Variants in MCC observed in about 807,000 individuals in gnomAD.
MCC encodes colorectal mutant cancer protein.
In MCC, 90 loss-of-function variants were observed where a neutral mutation model predicts 116.2. The ratio of observed to expected loss-of-function variants is 0.77; its 90% CI spans 0.65 to 0.92. The LOEUF (loss-of-function observed/expected upper bound fraction) is 0.92. Among genes scored for constraint, MCC ranks in the 40% least tolerant of loss-of-function variants. MCC has a pLI of 0.00. For synonymous variants in MCC, 578 were observed against 510.5 expected, an observed-to-expected ratio of 1.13 and a Z score of -1.78; for missense variants, 1,516 against 1,312.2, an observed-to-expected ratio of 1.16 and a Z score of -2.40.
intron 3 of MCC, among the ~76,000 whole-genome samples, chr5:113,213,601 G>T (rs1378509571): frequency 1.3e-5 from 2 of 152,156 alleles, no homozygotes; most frequent in Admixed American, 6.5e-5. Context: ...CTGACAAGCG[G>T]CTTTGACAAC....
intron 6 of MCC, among the ~76,000 whole-genome samples, chr5:113,108,333 A>T (rs1224383566): frequency 0.31 from 607 of 1,930 alleles, 25 homozygotes; most frequent in Admixed American, 0.37. Context: ...CTCTATCTTA[A>T]AAAAAAAAAA....
intron 1 of MCC, among the ~76,000 whole-genome samples, chr5:113,405,667 C>T (rs1172683210): frequency 1.3e-5 from 2 of 151,796 alleles, no homozygotes; most frequent in African/African-American, 2.4e-5. Context: ...ATTAGCCAGG[C>T]GTGGTGGCAT....
rs1308555840 is a variant in MCC at position 113,143,243 on chromosome 5, C to A, written c.859G>T (p.Asp287Tyr). Residue 287 changes from aspartate to tyrosine, a missense_variant, in exon 5 of 19, where the codon GAC becomes TAC. Physicochemically the swap from Asp to Tyr is radical, Grantham distance 160. Coordinates refer to ENST00000408903, the MANE Select transcript of MCC (RefSeq NM_001085377.2). ...SVIAELNKKI[D>Y]RLQGTTIREE... ...CTGATGGTGGTGCCTTGCAGACGGTCTATCTTCTTGTTGAGCTCCGCAATG... is the reference window on the plus strand; with the variant it reads ...CTGATGGTGGTGCCTTGCAGACGGTATATCTTCTTGTTGAGCTCCGCAATG... The A allele has an allele frequency of 6.2e-7, 1 of 1,609,702 alleles. No homozygotes were observed. Among genetic ancestry groups the A allele is most frequent in the Non-Finnish European group, 8.5e-7 (1 of 1,178,614 alleles).
chr5:113,418,058 T>G (rs920359084), intron 1 of MCC, among the ~76,000 whole-genome samples: 13 of 147,284 alleles, frequency 8.8e-5, no homozygotes, highest in African/African-American at 3.4e-4. Context: ...TGCAGTCATT[T>G]CCTCCCTCAT....
chr5:113,238,130 G>T (rs1034102829), intron 3 of MCC, among the ~76,000 whole-genome samples: 2 of 152,166 alleles, frequency 1.3e-5, no homozygotes, highest in African/African-American at 4.8e-5. Context: ...ACAGCAAAAT[G>T]CATGCAACCA....
intron 3 of MCC, among the ~76,000 whole-genome samples, chr5:113,194,095 A>G (rs923370490): frequency 1.2e-4 from 19 of 152,114 alleles, no homozygotes; most frequent in Non-Finnish European, 1.8e-4. Context: ...GAGGACTCCT[A>G]TAGATCTAAG....
At chr5:113,138,304 C>T (rs1453533014) in intron 5 of MCC, among the ~76,000 whole-genome samples, 1 of 152,224 alleles carries the variant, frequency 6.6e-6, no homozygotes, top group Non-Finnish European at 1.5e-5. Flanking sequence ...AGCCACCACG[C>T]CTGGCCCACG....
chr5:113,481,465 G>A (rs191536861), intron 1 of MCC, among the ~76,000 whole-genome samples: 106 of 152,128 alleles, frequency 7.0e-4, no homozygotes, highest in African/African-American at 2.2e-3. Flanking sequence ...TTGGCCAGGC[G>A]CGGTGGCTCA....
intron 1 of MCC, 81 bp downstream of exon 1, chr5:113,488,164 G>A (rs1017633536): frequency 6.6e-6 from 9 of 1,357,832 alleles, no homozygotes; most frequent in Admixed American, 2.9e-5. Flanking sequence ...GCAAGTTGGG[G>A]CGAGGGGGCA....
intron 6 of MCC, among the ~76,000 whole-genome samples, chr5:113,106,383 C>A (rs994888467): frequency 4.5e-4 from 67 of 150,012 alleles, no homozygotes; most frequent in African/African-American, 1.5e-3. Flanking sequence ...ATTCACTATG[C>A]CCCATTCACA....
At chr5:113,068,015 G>A (rs185978487) in intron 13 of MCC, 65 bp downstream of exon 13, 4 of 1,398,076 alleles carry the variant, frequency 2.9e-6, no homozygotes, top group Non-Finnish European at 4.1e-6. Flanking sequence ...CAGTTGCTGA[G>A]ACAGGGGCAG....
chr5:113,323,973 T>C (rs112210116), intron 3 of MCC, among the ~76,000 whole-genome samples: 3,150 of 152,338 alleles, frequency 0.021, 35 homozygotes, highest in Middle Eastern at 0.027. Flanking sequence ...TTCAGTTATT[T>C]AGAGGCTCAG....
intron 3 of MCC, among the ~76,000 whole-genome samples, chr5:113,195,044 A>G (rs1355831609): frequency 1.3e-5 from 2 of 152,190 alleles, no homozygotes; most frequent in Non-Finnish European, 2.9e-5. Flanking sequence ...TGCCCATTTC[A>G]GATAGTGATT....
chr5:113,207,636 C>T (rs1205542903), intron 3 of MCC, among the ~76,000 whole-genome samples: 1 of 152,196 alleles, frequency 6.6e-6, no homozygotes, highest in African/African-American at 2.4e-5. Flanking sequence ...TGATTCTCAG[C>T]AGGGCTCCCT....
At chr5:113,480,510 G>T (rs1772351280) in intron 1 of MCC, among the ~76,000 whole-genome samples, 1 of 152,178 alleles carries the variant, frequency 6.6e-6, no homozygotes, top group South Asian at 2.1e-4. Context: ...CTTCTAAAAT[G>T]GACTAAATAA....
chr5:113,143,231 C>G lies in MCC; in HGVS notation c.871G>C (p.Gly291Arg), dbSNP rs1326890554. 1 of 1,606,126 alleles carries G rather than the reference C, an allele frequency of 6.2e-7. No individual in the cohort carries two copies. The highest frequency in any genetic ancestry group is 1.3e-5 in the African/African-American group (1 of 74,690). Residue 291 changes from glycine (G) to arginine (R), a missense_variant, in exon 5 of 19, where the codon GGC (glycine) becomes CGC (arginine). Transcript: ENST00000408903. Reference protein sequence around the residue: ...ELNKKIDRLQGTTIREEDEYS... With the variant: ...ELNKKIDRLQRTTIREEDEYS... ...GGAGCCGCGTACCTGATGGTGGTGC[C>G]TTGCAGACGGTCTATCTTCTTGTTG...
At chr5:113,347,586 T>A (rs1325632879) in intron 2 of MCC, among the ~76,000 whole-genome samples, 1 of 151,176 alleles carries the variant, frequency 6.6e-6, no homozygotes, top group African/African-American at 2.4e-5. Context: ...ACACAAAAAA[T>A]AAAAAGCAAG....
intron 6 of MCC, among the ~76,000 whole-genome samples, chr5:113,121,078 C>T (rs1757708370): frequency 6.6e-6 from 1 of 152,254 alleles, no homozygotes; most frequent in Non-Finnish European, 1.5e-5. Context: ...CACCCCCCAC[C>T]TTCAATCGGT....
intron 1 of MCC, among the ~76,000 whole-genome samples, chr5:113,483,354 T>C (rs748998154): frequency 3.3e-5 from 5 of 152,214 alleles, no homozygotes; most frequent in Non-Finnish European, 7.4e-5. Context: ...TAAATCAATT[T>C]GGGAAGTATT....
Sources: allele counts gnomAD v4.1 joint callset (sites outside exome capture counted in the v4.1 genomes callset), GRCh38; gene constraint gnomAD v4.1.1; transcripts MANE v1.5; gene names NCBI Gene and HGNC (gene_info 2026-07-23, HGNC 2026-07-21).